GPD1L: variants seen among roughly 807,000 people sequenced by gnomAD.
GPD1L encodes the protein glycerol-3-phosphate dehydrogenase 1-like protein.
Under a neutral mutation model 32.9 loss-of-function variants are expected in GPD1L, and 17 were observed. The ratio of observed to expected loss-of-function variants is 0.52; its 90% CI spans 0.35 to 0.78. The LOEUF is 0.78. Ranked by LOEUF, GPD1L falls within the 30% of genes least tolerant of loss-of-function variation. The pLI is 0.01. For missense variants in GPD1L, 361 were observed against 447.8 expected (o/e 0.81, Z 1.75); for synonymous variants, 187 against 165.9 (o/e 1.13, Z -0.98).
chr3:32,155,599 C>T (rs768079850), intron 5 of GPD1L, among the ~76,000 whole-genome samples: 6 of 152,284 alleles, frequency 3.9e-5, no homozygotes, highest in East Asian at 3.9e-4. Flanking sequence ...GCCTAAGCCT[C>T]GCCACATTGC....
At chr3:32,150,430 C>A (rs1055505414) in intron 5 of GPD1L, among the ~76,000 whole-genome samples, 1 of 151,946 alleles carries the variant, frequency 6.6e-6, no homozygotes, top group Admixed American at 6.6e-5. Flanking sequence ...GTATGCACCA[C>A]AGCGCCTGAT....
Position 32,118,011 on chromosome 3 carries a change from G to A in GPD1L, c.48-10065G>A, listed in dbSNP as rs75906584. Among the ~76,000 whole-genome samples, 449 of 152,250 alleles carry A rather than the reference G, an allele frequency of 2.9e-3. 6 individuals carry two copies. Among genetic ancestry groups the A allele is most frequent in the African/African-American group, 0.01 (427 of 41,534 alleles). On this transcript the variant is annotated intron_variant, in intron 1 of 7. Coordinates refer to ENST00000282541, the MANE Select transcript of GPD1L (RefSeq NM_015141.4). ...ACAGAGGTGTGGTCCATCCCAAACT[G>A]CTCCTACTTGGCTGCTCTGAAAACA... is the stretch of plus-strand genomic sequence containing the variant.
intron 2 of GPD1L, among the ~76,000 whole-genome samples, chr3:32,134,943 G>C (rs1050947386): frequency 6.6e-6 from 1 of 152,210 alleles, no homozygotes; most frequent in African/African-American, 2.4e-5. Flanking sequence ...AATTGGAAAG[G>C]GTTCTGTGAG....
At chr3:32,107,332 C>T (rs968971808) in intron 1 of GPD1L, among the ~76,000 whole-genome samples, 7 of 152,216 alleles carry the variant, frequency 4.6e-5, no homozygotes, top group Non-Finnish European at 8.8e-5. Flanking sequence ...AGGCCGCTCT[C>T]CCTGAGGCGT....
At chr3:32,144,796 A>G (rs932209508) in intron 4 of GPD1L, among the ~76,000 whole-genome samples, 1 of 149,638 alleles carries the variant, frequency 6.7e-6, no homozygotes, top group East Asian at 2.0e-4. Context: ...AATGATTCTA[A>G]TGCCTCAGCC....
chr3:32,108,918 C>T (rs955520860), intron 1 of GPD1L, among the ~76,000 whole-genome samples: 1 of 152,186 alleles, frequency 6.6e-6, no homozygotes, highest in East Asian at 1.9e-4. Context: ...GGCGCGATCT[C>T]TGCTCACTGC....
intron 5 of GPD1L, among the ~76,000 whole-genome samples, chr3:32,150,212 C>G (rs1327270208): frequency 6.6e-6 from 1 of 152,160 alleles, no homozygotes; most frequent in Non-Finnish European, 1.5e-5. Flanking sequence ...ACAGTATGCA[C>G]TCTTTTGTGT....
At chr3:32,128,346 C>T in intron 2 of GPD1L, 93 bp downstream of exon 2, 1 of 1,029,940 alleles carries the variant, frequency 9.7e-7, no homozygotes, top group Admixed American at 1.7e-5. Context: ...AAGCTGCTTC[C>T]CTTTTCCCCA....
At position 32,159,084 on chromosome 3, in the gene GPD1L, C is replaced by A. The variant is rs1224957952; in HGVS notation, c.827C>A (p.Ala276Asp). Residue 276 changes from alanine to aspartate, a missense_variant, in exon 6 of 8, where the codon GCC (alanine) becomes GAC (aspartate). Transcript: ENST00000282541. ...TACGGAGGGCGGAACCGCAGGGTGG[C>A]CGAGGCCTTCGCCAGAACTGGGAAG... ...TCYGGRNRRV[A>D]EAFARTGKTI... 6.2e-7 allele frequency: 1 copy of A among 1,613,680 alleles called. No individual in the cohort carries two copies. Among genetic ancestry groups the A allele is most frequent in the Admixed American group, 1.7e-5 (1 of 60,022 alleles).
At chr3:32,125,075 C>T (rs185292865) in intron 1 of GPD1L, among the ~76,000 whole-genome samples, 12 of 152,232 alleles carry the variant, frequency 7.9e-5, no homozygotes, top group Non-Finnish European at 1.5e-5. Context: ...CAAAACTAGG[C>T]CTTAAGGTAC....
Position 32,168,274 on chromosome 3 carries a change from T to A in GPD1L, c.*2364T>A, listed in dbSNP as rs989157140. On this transcript the variant is annotated 3_prime_UTR_variant, in exon 8 of 8. Transcript: ENST00000282541. ...ATTTATGACTCTGCGAGTTATCTAT[T>A]TTTATAACCACCTGTGGTCCATTGT... The A allele has an allele frequency of 3.3e-5, 5 of 152,658 alleles. No homozygotes were observed. Among genetic ancestry groups the A allele is most frequent in the African/African-American group, 7.2e-5 (3 of 41,444 alleles). The allele number at this position is 152,658 out of a possible 1,614,324, so 9.5% of individuals were successfully genotyped here. A position where few individuals can be genotyped will look rare whatever the true frequency, so the allele number is the denominator to read the frequency against.
chr3:32,163,387 C>T (rs1701099680), intron 7 of GPD1L, among the ~76,000 whole-genome samples: 1 of 151,978 alleles, frequency 6.6e-6, no homozygotes, highest in Admixed American at 6.6e-5. Context: ...CCAAGATGGT[C>T]TCGATCTCCT....
chr3:32,151,019 C>T (rs763017362), intron 5 of GPD1L: 3 of 251,696 alleles, frequency 1.2e-5, no homozygotes, highest in Non-Finnish European at 2.5e-5. Context: ...CCGCCTGCCT[C>T]AGCTTCCCAA....
At chr3:32,145,054 C>T (rs1700800778) in intron 4 of GPD1L, among the ~76,000 whole-genome samples, 2 of 151,610 alleles carry the variant, frequency 1.3e-5, no homozygotes, top group South Asian at 2.1e-4. Flanking sequence ...TGCGGTGGCT[C>T]ATGCCTTTAA....
chr3:32,116,888 C>T (rs1329975789), intron 1 of GPD1L, among the ~76,000 whole-genome samples: 2 of 152,122 alleles, frequency 1.3e-5, no homozygotes, highest in African/African-American at 4.8e-5. Context: ...TGTCATCATC[C>T]TTATTTTATA....
At chr3:32,163,300 C>T (rs1346690107) in intron 7 of GPD1L, among the ~76,000 whole-genome samples, 6 of 151,088 alleles carry the variant, frequency 4.0e-5, no homozygotes, top group Non-Finnish European at 1.5e-5. Context: ...TCCTGAGTAG[C>T]TGGGACTACA....
intron 1 of GPD1L, among the ~76,000 whole-genome samples, chr3:32,121,597 A>ATTTC (rs1700417133): frequency 1.5e-5 from 2 of 134,854 alleles, no homozygotes; most frequent in African/African-American, 5.7e-5. Context: ...TTCTATATAT[A>ATTTC]TATTTCTATA....
intron 4 of GPD1L, among the ~76,000 whole-genome samples, chr3:32,146,319 C>T (rs1700824971): frequency 6.6e-6 from 1 of 152,014 alleles, no homozygotes; most frequent in South Asian, 2.1e-4. Flanking sequence ...ATCTCTTGAC[C>T]TCGTGATCTG....
At chr3:32,161,398 G>A (rs1480341174) in intron 7 of GPD1L, among the ~76,000 whole-genome samples, 1 of 152,100 alleles carries the variant, frequency 6.6e-6, no homozygotes, top group African/African-American at 2.4e-5. Flanking sequence ...GACATGCATG[G>A]TTTTCCTTAC....
Sources: allele counts gnomAD v4.1 joint callset (sites outside exome capture counted in the v4.1 genomes callset), GRCh38; gene constraint gnomAD v4.1.1; transcripts MANE v1.5; gene names NCBI Gene and HGNC (gene_info 2026-07-23, HGNC 2026-07-21).